CRTAM: variants seen among roughly 807,000 people sequenced by gnomAD.
The protein encoded by CRTAM is cytotoxic and regulatory T cell molecule.
In CRTAM, 44 loss-of-function variants were observed where a neutral mutation model predicts 50.0. The ratio of observed to expected loss-of-function variants is 0.88; its 90% CI spans 0.69 to 1.13. CRTAM has a LOEUF of 1.13. Among genes scored for constraint, CRTAM ranks in the 50% most tolerant of loss-of-function variants. The probability of loss-of-function intolerance (pLI) is 0.00; values close to 1 mark genes in which losing one functional copy is unlikely to be tolerated. For synonymous variants in CRTAM, 159 were observed against 169.3 expected, an observed-to-expected ratio of 0.94 and a Z score of 0.47; for missense variants, 448 against 457.5, an observed-to-expected ratio of 0.98 and a Z score of 0.19.
chr11:122,870,218 C>A (rs2135258958), intron 9 of CRTAM, among the ~76,000 whole-genome samples: 1 of 152,168 alleles, frequency 6.6e-6, no homozygotes, highest in Admixed American at 6.5e-5. Flanking sequence ...GTAGCTGGGA[C>A]TACAGGCACG....
chr11:122,867,416 TC>T lies in CRTAM; in HGVS notation c.827del (p.Pro276LeufsTer4), dbSNP rs1862191516. 1.2e-6 allele frequency: 2 copies of T among 1,606,324 alleles called. No homozygotes were observed. Among genetic ancestry groups the T allele is most frequent in the East Asian group, 2.2e-5 (1 of 44,790 alleles). On this transcript the variant is annotated frameshift_variant, in exon 8 of 10. Coordinates refer to ENST00000227348, the MANE Select transcript of CRTAM (RefSeq NM_019604.4). LOFTEE classifies it high-confidence loss of function. ...QDPDLTTEAN[P>X]QYLGLARKKS... ...TTTTCATTTTCCTTATAGAAGCAAATCCTCAGTATTTAGGACTGGCAAGAAA... is the reference window on the plus strand; with the variant it reads ...TTTTCATTTTCCTTATAGAAGCAAATCTCAGTATTTAGGACTGGCAAGAAA...
chr11:122,855,909 C>A, intron 5 of CRTAM, 53 bp downstream of exon 5: 1 of 1,441,092 alleles, frequency 6.9e-7, no homozygotes, highest in Non-Finnish European at 9.6e-7. Flanking sequence ...TTTAATATTA[C>A]ACTATCAAAC....
chr11:122,839,761 C>G (rs1861777078), intron 1 of CRTAM, among the ~76,000 whole-genome samples: 1 of 152,158 alleles, frequency 6.6e-6, no homozygotes, highest in African/African-American at 2.4e-5. Flanking sequence ...AACTGTAGTT[C>G]TGTTTCATGA....
intron 7 of CRTAM, among the ~76,000 whole-genome samples, chr11:122,866,005 T>C (rs542017782): frequency 6.6e-6 from 1 of 152,284 alleles, no homozygotes; most frequent in Non-Finnish European, 1.5e-5. Flanking sequence ...CTCCTCTGGT[T>C]CACTTTTAGC....
At chr11:122,851,430 C>T (rs1188482393) in intron 2 of CRTAM, among the ~76,000 whole-genome samples, 2 of 151,976 alleles carry the variant, frequency 1.3e-5, no homozygotes, top group Non-Finnish European at 2.9e-5. Flanking sequence ...TTACATAATG[C>T]TTTTTGTTGT....
intron 1 of CRTAM, among the ~76,000 whole-genome samples, chr11:122,849,271 C>A (rs753780703): frequency 2.6e-5 from 4 of 152,298 alleles, no homozygotes; most frequent in Admixed American, 6.5e-5. Context: ...TTTTCTGGGG[C>A]CTTGTGGCTT....
chr11:122,849,861 C>A (rs1162611183), intron 1 of CRTAM, among the ~76,000 whole-genome samples: 1 of 152,188 alleles, frequency 6.6e-6, no homozygotes, highest in African/African-American at 2.4e-5. Flanking sequence ...TTCCTTCAGA[C>A]CTGATTCCAG....
At chr11:122,858,825 G>C (rs1406611710) in intron 5 of CRTAM, among the ~76,000 whole-genome samples, 1 of 152,122 alleles carries the variant, frequency 6.6e-6, no homozygotes, top group Non-Finnish European at 1.5e-5. Flanking sequence ...ACTGCACCTG[G>C]TTTATTTCAT....
Position 122,871,185 on chromosome 11 carries a change from A to C in CRTAM, c.1052-84A>C, listed in dbSNP as rs1045699468. ...TAAAGCAATATGTGAACCTAAAAAT[A>C]TGATATCCAATCAAAGTGTTTCAAG... On this transcript the variant is annotated intron_variant, in intron 9 of 9. Coordinates refer to ENST00000227348, the MANE Select transcript of CRTAM (RefSeq NM_019604.4). The C allele has an allele frequency of 4.4e-5, 56 of 1,278,526 alleles. No individual in the cohort carries two copies. In the African/African-American group the frequency reaches 7.9e-4, roughly 18 times the overall value. The allele number at this position is 1,278,526 out of a possible 1,614,324, so 79.2% of individuals were successfully genotyped here.
intron 6 of CRTAM, among the ~76,000 whole-genome samples, chr11:122,863,830 CT>C (rs942640476): frequency 6.6e-6 from 1 of 152,096 alleles, no homozygotes; most frequent in Non-Finnish European, 1.5e-5. Context: ...TTCCTTTCAG[CT>C]TTCCATTTCT....
chr11:122,852,750 T>C (rs558740148), intron 3 of CRTAM, among the ~76,000 whole-genome samples: 1 of 152,298 alleles, frequency 6.6e-6, no homozygotes, highest in East Asian at 1.9e-4. Context: ...ATGTATACTC[T>C]GTCATTGCTC....
chr11:122,840,772 G>A (rs1861788737), intron 1 of CRTAM, among the ~76,000 whole-genome samples: 1 of 151,860 alleles, frequency 6.6e-6, no homozygotes, highest in South Asian at 2.1e-4. Context: ...TACTTCTACA[G>A]TGTTACTTCT....
intron 6 of CRTAM, among the ~76,000 whole-genome samples, chr11:122,863,257 GAAAAGAAAGAAAGA>G (rs1286968040): frequency 2.7e-4 from 19 of 69,974 alleles, no homozygotes; most frequent in African/African-American, 6.7e-4. Flanking sequence ...AAGAGAGAAA[GAAAAGAAAGAAAGA>G]AAAAGAAAGA....
intron 5 of CRTAM, among the ~76,000 whole-genome samples, chr11:122,857,652 C>T (rs1272848329): frequency 6.6e-6 from 1 of 152,184 alleles, no homozygotes; most frequent in Admixed American, 6.5e-5. Context: ...ATGTTACAAA[C>T]ATTTTGTTCA....
intron 8 of CRTAM, 43 bp from the exon 9 acceptor site, chr11:122,867,970 C>A: frequency 1.7e-6 from 2 of 1,158,574 alleles, no homozygotes; most frequent in Non-Finnish European, 2.6e-6. Flanking sequence ...TTCTACATGT[C>A]CATGGCATCA....
chr11:122,865,356 G>T (rs1862155839), intron 7 of CRTAM, among the ~76,000 whole-genome samples: 1 of 152,014 alleles, frequency 6.6e-6, no homozygotes, highest in Non-Finnish European at 1.5e-5. Context: ...ATTTTTTAAA[G>T]AGTTTACTCA....
intron 7 of CRTAM, among the ~76,000 whole-genome samples, chr11:122,866,605 G>A (rs1862178421): frequency 8.1e-6 from 1 of 123,200 alleles, no homozygotes; most frequent in African/African-American, 2.5e-5. Flanking sequence ...GGTTTAGAAA[G>A]CCTTTTTTTT....
chr11:122,855,807 A>G lies in CRTAM; in HGVS notation c.603A>G (p.Arg201=), dbSNP rs779427819. The G allele has an allele frequency of 6.2e-6, 10 of 1,614,158 alleles. No individual in the cohort carries two copies. Among genetic ancestry groups the G allele is most frequent in the Non-Finnish European group, 7.6e-6 (9 of 1,179,978 alleles). Residue 201 remains arginine, a synonymous_variant, in exon 5 of 10, where the codon AGA becomes AGG. Transcript: ENST00000227348. ...NSTVDCIIRH[R]GLQGRKLVAP... ...CGGTGGACTGCATTATCCGACACAG[A>G]GGCCTGCAAGGGAGAAAACTAGTAG...
intron 5 of CRTAM, among the ~76,000 whole-genome samples, chr11:122,862,094 C>T (rs1440771502): frequency 6.6e-6 from 1 of 152,150 alleles, no homozygotes; most frequent in Admixed American, 6.5e-5. Context: ...GAATTCAGCC[C>T]AGTCTGAGGC....
Sources: allele counts gnomAD v4.1 joint callset (sites outside exome capture counted in the v4.1 genomes callset), GRCh38; gene constraint gnomAD v4.1.1; transcripts MANE v1.5; gene names NCBI Gene and HGNC (gene_info 2026-07-23, HGNC 2026-07-21).